The following CDYL variants were observed in gnomAD, a reference collection of about 807,000 sequenced individuals.
CDYL encodes chromodomain Y-like protein.
In CDYL, 8 loss-of-function variants were observed where a neutral mutation model predicts 47.3. The observed-to-expected ratio is 0.17, with a 90% confidence interval of 0.10 to 0.31. The LOEUF (loss-of-function observed/expected upper bound fraction) is 0.31. CDYL is among the 10% of genes least tolerant of loss of function. The probability of loss-of-function intolerance (pLI) is 1.00; values close to 1 mark genes in which losing one functional copy is unlikely to be tolerated. For synonymous variants in CDYL, 266 were observed against 265.0 expected (o/e 1.00, Z -0.04); for missense variants, 471 against 701.4 (o/e 0.67, Z 3.71).
chr6:4,940,769 G>A (rs1452692445), intron 4 of CDYL, among the ~76,000 whole-genome samples: 1 of 152,238 alleles, frequency 6.6e-6, no homozygotes, highest in Admixed American at 6.5e-5. Flanking sequence ...GGAGACCGGG[G>A]GCCCTGCCCA....
At chr6:4,821,626 A>G (rs1256589386) in intron 1 of CDYL, among the ~76,000 whole-genome samples, 1 of 151,692 alleles carries the variant, frequency 6.6e-6, no homozygotes, top group African/African-American at 2.4e-5. Context: ...CCAGCTATTC[A>G]GGAGGCTGAG....
chr6:4,708,005 T>C lies in CDYL; in HGVS notation c.-39+1754T>C, dbSNP rs554914473. On this transcript the variant is annotated intron_variant, in intron 1 of 8. Coordinates refer to the CDYL transcript ENST00000328908. ...CTTTTAAAAAATATTAATTCTGTGA[T>C]GGCATTGTAGTTGGAAAACATTGTC... 1.5e-4 allele frequency among the ~76,000 whole-genome samples: 23 copies of C among 152,310 alleles called. 2 individuals carry two copies. The highest frequency in any genetic ancestry group is 4.6e-4 in the Admixed American group (7 of 15,286).
intron 5 of CDYL, among the ~76,000 whole-genome samples, chr6:4,947,002 G>T (rs1188658760): frequency 1.3e-5 from 2 of 152,158 alleles, no homozygotes; most frequent in Non-Finnish European, 2.9e-5. Context: ...AATCAGTATC[G>T]CAGGAGAGCC....
At chr6:4,726,503 G>A (rs1757515873) in intron 2 of CDYL, among the ~76,000 whole-genome samples, 1 of 145,496 alleles carries the variant, frequency 6.9e-6, no homozygotes. Flanking sequence ...TTGCACTCCA[G>A]CCTAGGGGAC....
chr6:4,729,782 G>T (rs1757573403), intron 2 of CDYL, among the ~76,000 whole-genome samples: 1 of 152,150 alleles, frequency 6.6e-6, no homozygotes, highest in African/African-American at 2.4e-5. Context: ...GCTGTGCATG[G>T]TGGTGCATGT....
intron 3 of CDYL, among the ~76,000 whole-genome samples, chr6:4,747,888 G>A (rs1343379924): frequency 6.6e-6 from 1 of 152,198 alleles, no homozygotes; most frequent in African/African-American, 2.4e-5. Context: ...CAATTCTTTT[G>A]TTTTCAAGTC....
chr6:4,708,040 T>C (rs1050257493), intron 1 of CDYL, among the ~76,000 whole-genome samples: 30 of 152,300 alleles, frequency 2.0e-4, no homozygotes, highest in African/African-American at 6.7e-4. Flanking sequence ...CAGAATGGGA[T>C]TGATTCCTTG....
intron 3 of CDYL, among the ~76,000 whole-genome samples, chr6:4,762,406 A>T (rs181233467): frequency 6.6e-6 from 1 of 152,304 alleles, no homozygotes; most frequent in African/African-American, 2.4e-5. Context: ...CATAATAAAA[A>T]ATAATCAGAC....
intron 2 of CDYL, among the ~76,000 whole-genome samples, chr6:4,725,426 A>C (rs1757491234): frequency 6.6e-6 from 1 of 152,180 alleles, no homozygotes; most frequent in African/African-American, 2.4e-5. Context: ...GCCCACAGCG[A>C]GGTGGGGAGG....
chr6:4,895,940 C>G lies in CDYL; in HGVS notation c.691+3561C>G, dbSNP rs1762270462. On this transcript the variant is annotated intron_variant, in intron 2 of 6. Coordinates refer to ENST00000397588, the MANE Select transcript of CDYL (RefSeq NM_004824.4). ...AAGCATAGAATCTTAAATTATTTTACCTTGTTGTGCGGAGTTGGGAGGTTG... is the reference window on the plus strand; with the variant it reads ...AAGCATAGAATCTTAAATTATTTTAGCTTGTTGTGCGGAGTTGGGAGGTTG... Among the ~76,000 whole-genome samples, 5 of 152,250 alleles carry G rather than the reference C, an allele frequency of 3.3e-5. No individual in the cohort carries two copies. The South Asian group carries it at 1.0e-3, about 32-fold the overall frequency.
At chr6:4,825,848 CAAAAAAAAA>C (rs34591908) in intron 1 of CDYL, among the ~76,000 whole-genome samples, 1 of 98,848 alleles carries the variant, frequency 1.0e-5, no homozygotes, top group Non-Finnish European at 2.3e-5. Flanking sequence ...CCTAGAATGG[CAAAAAAAAA>C]AAAAAAAAAG....
chr6:4,898,726 C>T lies in CDYL; in HGVS notation c.691+6347C>T, dbSNP rs534937277. Among the ~76,000 whole-genome samples the T allele has an allele frequency of 4.6e-5, 7 of 152,226 alleles. No homozygotes were observed. In the South Asian group the frequency reaches 1.0e-3, roughly 23 times the overall value. ...AGTGCAGAGTTTCAGGCATAGAGCC[C>T]GTAGAGAAGATGCTCTTGTCCAGCT... On this transcript the variant is annotated intron_variant, in intron 2 of 6. Transcript: ENST00000397588.
chr6:4,894,135 CACTT>C (rs750733085), intron 2 of CDYL, among the ~76,000 whole-genome samples: 11 of 152,210 alleles, frequency 7.2e-5, no homozygotes, highest in Non-Finnish European at 1.5e-4. Flanking sequence ...AGAAGGGACT[CACTT>C]AATAGCACGC....
At chr6:4,817,866 C>T (rs1759717486) in intron 1 of CDYL, among the ~76,000 whole-genome samples, 1 of 152,142 alleles carries the variant, frequency 6.6e-6, no homozygotes, top group South Asian at 2.1e-4. Context: ...ATATTAAAAA[C>T]GTTTAGGCAT....
chr6:4,901,873 C>G (rs1289368681), intron 2 of CDYL, among the ~76,000 whole-genome samples: 1 of 152,144 alleles, frequency 6.6e-6, no homozygotes, highest in Non-Finnish European at 1.5e-5. Flanking sequence ...TTCTCATACC[C>G]CACCCCACCC....
upstream of CDYL, among the ~76,000 whole-genome samples, chr6:4,773,428 T>A (rs965354713): frequency 2.6e-5 from 4 of 152,302 alleles, no homozygotes; most frequent in South Asian, 8.3e-4. This position sits in a 1 kb window ranked among gnomAD's most constrained non-coding sequence, Gnocchi z 4.6. Context: ...CACTGTTTCA[T>A]AAAAGGTGGT....
intron 1 of CDYL, among the ~76,000 whole-genome samples, chr6:4,842,634 G>A (rs1014485867): frequency 1.3e-4 from 19 of 151,936 alleles, no homozygotes; most frequent in Admixed American, 1.3e-4. Context: ...TGTTTCACCC[G>A]TTTACCTTAA....
At chr6:4,783,472 A>G (rs1467857412) in intron 1 of CDYL, among the ~76,000 whole-genome samples, 1 of 148,310 alleles carries the variant, frequency 6.7e-6, no homozygotes, top group African/African-American at 2.5e-5. Flanking sequence ...GCTGGAGTGC[A>G]GTGGCATGAT....
intron 2 of CDYL, among the ~76,000 whole-genome samples, chr6:4,922,082 A>C (rs1455941799): frequency 2.0e-5 from 3 of 152,056 alleles, no homozygotes; most frequent in Non-Finnish European, 1.5e-5. Flanking sequence ...ATTTGGTATG[A>C]GCTTAGCACC....
Sources: allele counts gnomAD v4.1 joint callset (sites outside exome capture counted in the v4.1 genomes callset), GRCh38; gene constraint gnomAD v4.1.1; non-coding constraint Gnocchi (gnomAD v3.1); transcripts MANE v1.5; gene names NCBI Gene and HGNC (gene_info 2026-07-23, HGNC 2026-07-21).